PLOD1: variants seen among roughly 807,000 people sequenced by gnomAD.
The protein encoded by PLOD1 is lysine hydroxylase.
In PLOD1, 70 loss-of-function variants were observed where a neutral mutation model predicts 94.7. The ratio of observed to expected loss-of-function variants is 0.74; its 90% CI spans 0.61 to 0.90. The LOEUF is 0.90. PLOD1 is among the 40% of genes least tolerant of loss of function. The pLI, the probability that PLOD1 is intolerant of heterozygous loss-of-function variation, is 0.00. For missense variants in PLOD1, 905 were observed against 972.7 expected (o/e 0.93, Z 0.93); for synonymous variants, 417 against 400.2 (o/e 1.04, Z -0.50).
At chr1:11,971,131 T>A (rs962989765) in intron 17 of PLOD1, among the ~76,000 whole-genome samples, 1 of 39,766 alleles carries the variant, frequency 2.5e-5, no homozygotes, top group African/African-American at 1.1e-4. Flanking sequence ...GGGGCAGGGG[T>A]GAGGGAGTGG....
Position 11,934,957 on chromosome 1 carries a change from G to A in PLOD1, c.76+102G>A, listed in dbSNP as rs1025006334. ...ACCTGAATGGGAGGCCTGGGCTGGAGAGGGAGTCTGGGTTCCGGCTCCTTG... is the reference window on the plus strand; with the variant it reads ...ACCTGAATGGGAGGCCTGGGCTGGAAAGGGAGTCTGGGTTCCGGCTCCTTG... On this transcript the variant is annotated intron_variant, in intron 1 of 18. Transcript: ENST00000196061. 13 of 1,383,898 alleles carry A rather than the reference G, an allele frequency of 9.4e-6. No individual in the cohort carries two copies. The African/African-American group carries it at 1.3e-4, about 14-fold the overall frequency. The allele number at this position is 1,383,898 out of a possible 1,614,324, so 85.7% of individuals were successfully genotyped here.
chr1:11,973,074 G>T, intron 18 of PLOD1, 77 bp downstream of exon 18: 1 of 1,576,604 alleles, frequency 6.3e-7, no homozygotes, highest in South Asian at 1.1e-5. Flanking sequence ...CTTCAGGGTG[G>T]TTGAGGCAGA....
Position 11,957,904 on chromosome 1 carries a change from C to A in PLOD1, c.804C>A (p.Thr268=). 2 of 1,613,986 alleles carry A rather than the reference C, an allele frequency of 1.2e-6. No homozygotes were observed. The highest frequency in any genetic ancestry group is 1.7e-6 in the Non-Finnish European group (2 of 1,179,878). ...TCTGGACCTTCGAAACAGGCTGCAC[C>A]GTGTGTGACGAAGGCTTGCGCAGCC... ...PRFWTFETGC[T]VCDEGLRSLK... is the part of the protein sequence containing the mutation. The change falls in exon 8 of 19, where the codon ACC becomes ACA. Residue 268 remains threonine (T), a synonymous_variant. Coordinates refer to ENST00000196061, the MANE Select transcript of PLOD1 (RefSeq NM_000302.4). The surrounding 1 kb of genome is among the most constrained non-coding windows in gnomAD (Gnocchi z 4.1).
At position 11,963,549 on chromosome 1, in the gene PLOD1, A is replaced by G. The variant is rs377497101; in HGVS notation, c.1115A>G (p.Asp372Gly). The G allele has an allele frequency of 1.1e-5, 18 of 1,601,050 alleles. No homozygotes were observed. The African/African-American group carries it at 2.3e-4, about 20-fold the overall frequency. The stretch of plus-strand genomic sequence containing the variant: ...CCTTGCAGAGACCTGTGCCGGCAGG[A>G]CCGCAGCTGCACCTACTACTTCAGC... Reference protein sequence around the residue: ...RNMGADLCRQDRSCTYYFSVD... With the variant: ...RNMGADLCRQGRSCTYYFSVD... The change falls in exon 11 of 19, where the codon GAC becomes GGC. Residue 372 changes from aspartate (D) to glycine (G), a missense_variant. Physicochemically the swap from Asp to Gly is moderately conservative, Grantham distance 94. Transcript: ENST00000196061. This position sits in a 1 kb window ranked among gnomAD's most constrained non-coding sequence, Gnocchi z 4.3.
chr1:11,945,624 G>A (rs77367291), intron 1 of PLOD1, among the ~76,000 whole-genome samples: 20,409 of 152,002 alleles, frequency 0.13, 2,030 homozygotes, highest in African/African-American at 0.28. Flanking sequence ...TATATCACCC[G>A]CCAGATCAGA....
In PLOD1 at chr1:11,952,536, GA is replaced by G. The variant is rs1056608993; in HGVS notation, c.467-86del. ...GTTTGTGGGCATATGAGTGGAGGTG[GA>G]TAAGAGGGAAGGGTGGGAGGAGGCC... On this transcript the variant is annotated intron_variant, in intron 4 of 18. Transcript: ENST00000196061. The G allele has an allele frequency of 1.3e-5, 12 of 911,800 alleles. No homozygotes were observed. The African/African-American group carries it at 2.0e-4, about 15-fold the overall frequency. 56.5% of individuals were successfully genotyped at this position (911,800 alleles called of 1,614,324 possible). A position where few individuals can be genotyped will look rare whatever the true frequency, so the allele number is the denominator to read the frequency against.
intron 18 of PLOD1, 111 bp from the exon 19 acceptor site, chr1:11,974,542 C>A: frequency 9.5e-7 from 1 of 1,057,048 alleles, no homozygotes; most frequent in East Asian, 2.5e-5. Flanking sequence ...CAGAAGGCAT[C>A]CCCAGGCAGG....
chr1:11,951,624 T>C (rs1318508147), intron 4 of PLOD1, among the ~76,000 whole-genome samples: 1 of 146,478 alleles, frequency 6.8e-6, no homozygotes, highest in Non-Finnish European at 1.5e-5. Flanking sequence ...TAATAATTTA[T>C]ATAATATATA....
chr1:11,956,040 G>A (rs1441296323), intron 6 of PLOD1, among the ~76,000 whole-genome samples: 2 of 152,092 alleles, frequency 1.3e-5, no homozygotes, highest in African/African-American at 2.4e-5. Context: ...GGGATTACAG[G>A]TGTGCGCCAG....
At chr1:11,934,993 C>T (rs1645568642) in intron 1 of PLOD1, 138 bp downstream of exon 1, 4 of 1,117,314 alleles carry the variant, frequency 3.6e-6, no homozygotes, top group Non-Finnish European at 4.9e-6. Context: ...TCCACTTAAT[C>T]GCTGGTGACT....
In PLOD1 at chr1:11,969,020, A is replaced by ATT. The variant is rs936449431; in HGVS notation, c.1756-1629_1756-1628dup. On this transcript the variant is annotated intron_variant, in intron 16 of 18. Coordinates refer to ENST00000196061, the MANE Select transcript of PLOD1 (RefSeq NM_000302.4). Reference sequence around the variant, plus strand: ...TTACAGGTGCTGGCCACCATGCCTAATTTTTTTTTTTTTTTTTTTTTTGAG... The same window carrying ATT: ...TTACAGGTGCTGGCCACCATGCCTAATTTTTTTTTTTTTTTTTTTTTTTTGAG... Among the ~76,000 whole-genome samples, 385 of 118,776 alleles carry ATT rather than the reference A, an allele frequency of 3.2e-3. 4 individuals are homozygous for ATT. The highest frequency in any genetic ancestry group is 0.011 in the African/African-American group (318 of 29,754). The allele number at this position is 118,776 out of a possible 152,430, so 77.9% of individuals were successfully genotyped here.
Position 11,950,880 on chromosome 1 carries a change from G to A in PLOD1, c.466+360G>A, listed in dbSNP as rs117453657. On this transcript the variant is annotated intron_variant, in intron 4 of 18. Coordinates refer to ENST00000196061, the MANE Select transcript of PLOD1 (RefSeq NM_000302.4). ...GGGATCTCAGCTCACTGCAGCCTCC[G>A]CCTCTTGGGCTCAAGCAATCCTCCT... Among the ~76,000 whole-genome samples the A allele has an allele frequency of 4.3e-3, 656 of 152,194 alleles. 8 individuals are homozygous for A. The highest frequency in any genetic ancestry group is 0.028 in the East Asian group (143 of 5,174).
chr1:11,974,860 C>T lies in PLOD1; in HGVS notation c.*52C>T. 6.3e-7 allele frequency: 1 copy of T among 1,593,556 alleles called. No homozygotes were observed. The highest frequency in any genetic ancestry group is 8.6e-7 in the Non-Finnish European group (1 of 1,161,380). ...TTTCTTCTTTGCCGACAACCACTGC[C>T]CAGCAGCCTCTGGGACCTCGGGGTC... On this transcript the variant is annotated 3_prime_UTR_variant, in exon 19 of 19. Transcript: ENST00000196061.
intron 1 of PLOD1, among the ~76,000 whole-genome samples, chr1:11,946,296 C>T (rs1645654393): frequency 6.6e-6 from 1 of 152,152 alleles, no homozygotes; most frequent in African/African-American, 2.4e-5. Flanking sequence ...CCCTGAGATG[C>T]TCTCTGGGGA....
chr1:11,974,448 G>A (rs1235803306), intron 18 of PLOD1, among the ~76,000 whole-genome samples: 2 of 152,180 alleles, frequency 1.3e-5, no homozygotes, highest in Non-Finnish European at 2.9e-5. Flanking sequence ...CTGCCAAAGT[G>A]CTGGGATTAC....
At chr1:11,950,262 G>T in intron 3 of PLOD1, 95 bp from the exon 4 acceptor site, 1 of 1,250,820 alleles carries the variant, frequency 8.0e-7, no homozygotes, top group Non-Finnish European at 1.2e-6. Flanking sequence ...AGGGCCATTT[G>T]TGGAGCACTT....
intron 14 of PLOD1, 30 bp from the exon 15 acceptor site, chr1:11,966,221 G>A (rs893966460): frequency 7.1e-6 from 11 of 1,557,902 alleles, no homozygotes; most frequent in Non-Finnish European, 9.7e-6. Context: ...CCAATGGTGA[G>A]GACCCTAGCC....
At chr1:11,946,699 A>G (rs1275622923) in intron 1 of PLOD1, among the ~76,000 whole-genome samples, 2 of 152,168 alleles carry the variant, frequency 1.3e-5, no homozygotes, top group Non-Finnish European at 2.9e-5. Context: ...ACTCAGTCCT[A>G]TAATGTAGGG....
chr1:11,945,791 C>T (rs1179426176), intron 1 of PLOD1, among the ~76,000 whole-genome samples: 1 of 152,174 alleles, frequency 6.6e-6, no homozygotes, highest in African/African-American at 2.4e-5. Context: ...TCACTGCAAC[C>T]TCTACCTTCT....
Sources: allele counts gnomAD v4.1 joint callset (sites outside exome capture counted in the v4.1 genomes callset), GRCh38; gene constraint gnomAD v4.1.1; non-coding constraint Gnocchi (gnomAD v3.1); transcripts MANE v1.5; gene names NCBI Gene and HGNC (gene_info 2026-07-23, HGNC 2026-07-21).